The following GRID2 variants were observed in gnomAD, a reference collection of about 807,000 sequenced individuals.
GRID2 encodes the protein glutamate receptor ionotropic, delta-2.
GRID2 carries 33 observed loss-of-function variants against 114.8 expected under a neutral mutation model. The ratio of observed to expected loss-of-function variants is 0.29; its 90% CI spans 0.22 to 0.38. GRID2 has a LOEUF of 0.38. Among genes scored for constraint, GRID2 ranks in the 10% least tolerant of loss-of-function variants. The pLI, the probability that GRID2 is intolerant of heterozygous loss-of-function variation, is 1.00. For synonymous variants in GRID2, 505 were observed against 449.9 expected (o/e 1.12, Z -1.55); for missense variants, 1,184 against 1,257.7 (o/e 0.94, Z 0.89).
chr4:93,316,340 G>GAAAGAAAGA (rs879295418), intron 8 of GRID2, among the ~76,000 whole-genome samples: 1 of 123,834 alleles, frequency 8.1e-6, no homozygotes, highest in East Asian at 2.2e-4. Flanking sequence ...AAGAAAGAAA[G>GAAAGAAAGA]AAGGAAGGAA....
At chr4:92,477,667 G>C (rs1440225682) in intron 1 of GRID2, among the ~76,000 whole-genome samples, 1 of 150,474 alleles carries the variant, frequency 6.6e-6, no homozygotes, top group African/African-American at 2.4e-5. Context: ...ATATTTTAAA[G>C]AGATAAATAC....
chr4:92,454,794 C>G (rs904361074), intron 1 of GRID2, among the ~76,000 whole-genome samples: 6 of 152,216 alleles, frequency 3.9e-5, no homozygotes, highest in African/African-American at 1.4e-4. Context: ...CGAGATCGCA[C>G]CACTGCACTC....
intron 14 of GRID2, among the ~76,000 whole-genome samples, chr4:93,721,236 C>A (rs551547562): frequency 6.6e-6 from 1 of 151,878 alleles, no homozygotes; most frequent in African/African-American, 2.4e-5. Context: ...AATATAGCTC[C>A]TAAAAAGGGA....
chr4:92,932,370 C>T (rs916011850), intron 2 of GRID2, among the ~76,000 whole-genome samples: 6 of 151,322 alleles, frequency 4.0e-5, no homozygotes, highest in Non-Finnish European at 8.9e-5. Context: ...TTTAGACACA[C>T]ACACATACAT....
chr4:92,359,867 A>T (rs1025251381), intron 1 of GRID2, among the ~76,000 whole-genome samples: 3 of 152,104 alleles, frequency 2.0e-5, no homozygotes, highest in African/African-American at 7.2e-5. Flanking sequence ...GAATTTTAAA[A>T]TATGTGACCT....
chr4:92,337,317 A>T (rs1727239907), intron 1 of GRID2, among the ~76,000 whole-genome samples: 1 of 152,130 alleles, frequency 6.6e-6, no homozygotes. Flanking sequence ...TCTACTTATT[A>T]TAAATAATAT....
chr4:93,105,386 C>A (rs1732117849), intron 3 of GRID2, among the ~76,000 whole-genome samples: 1 of 152,122 alleles, frequency 6.6e-6, no homozygotes, highest in African/African-American at 2.4e-5. Flanking sequence ...CTTGCCCATG[C>A]CTATGTCCTG....
chr4:93,144,680 A>AGT (rs1736045556), intron 4 of GRID2, among the ~76,000 whole-genome samples: 2 of 152,224 alleles, frequency 1.3e-5, no homozygotes, highest in Non-Finnish European at 2.9e-5. Context: ...GATAATCACC[A>AGT]AATCAGGTCA....
At chr4:93,694,731 CAG>C (rs1726861902) in intron 14 of GRID2, among the ~76,000 whole-genome samples, 1 of 152,156 alleles carries the variant, frequency 6.6e-6, no homozygotes, top group African/African-American at 2.4e-5. Context: ...TAACTGTCTT[CAG>C]AGTTACTTCA....
chr4:93,281,100 G>A (rs1464736794), intron 8 of GRID2, among the ~76,000 whole-genome samples: 1 of 151,734 alleles, frequency 6.6e-6, no homozygotes, highest in Admixed American at 6.6e-5. Flanking sequence ...GTGCTTTAAA[G>A]AAAAATAAAG....
intron 5 of GRID2, among the ~76,000 whole-genome samples, chr4:93,209,663 G>A (rs1261360352): frequency 6.6e-6 from 1 of 152,030 alleles, no homozygotes; most frequent in Non-Finnish European, 1.5e-5. Context: ...GGTCTCTGAG[G>A]AAATCACCAA....
At chr4:93,569,300 G>A (rs76997249) in intron 13 of GRID2, among the ~76,000 whole-genome samples, 2,089 of 152,096 alleles carry the variant, frequency 0.014, 53 homozygotes, top group African/African-American at 0.048. Context: ...TAAATCACTC[G>A]TATATAAAAC....
At chr4:92,955,957 G>T (rs1226695047) in intron 2 of GRID2, among the ~76,000 whole-genome samples, 1 of 152,058 alleles carries the variant, frequency 6.6e-6, no homozygotes, top group East Asian at 1.9e-4. Flanking sequence ...CTGACCTCGT[G>T]ATCTGCCCAC....
At chr4:92,581,701 C>A (rs1172074392) in intron 1 of GRID2, among the ~76,000 whole-genome samples, 1 of 152,066 alleles carries the variant, frequency 6.6e-6, no homozygotes, top group African/African-American at 2.4e-5. Flanking sequence ...CTGAAAATTT[C>A]TCTTCTTGGT....
chr4:93,301,659 A>T (rs1273120509), intron 8 of GRID2, among the ~76,000 whole-genome samples: 1 of 152,196 alleles, frequency 6.6e-6, no homozygotes, highest in Non-Finnish European at 1.5e-5. Flanking sequence ...AAAGTACCAC[A>T]CAAGTTATTT....
chr4:92,916,190 T>C (rs921549949), intron 2 of GRID2, among the ~76,000 whole-genome samples: 1 of 152,146 alleles, frequency 6.6e-6, no homozygotes, highest in Non-Finnish European at 1.5e-5. Context: ...TAAGAGTGTT[T>C]ATAGTGTTGT....
intron 11 of GRID2, among the ~76,000 whole-genome samples, chr4:93,483,916 T>A (rs566734973): frequency 6.6e-5 from 10 of 151,862 alleles, no homozygotes; most frequent in African/African-American, 2.4e-4. Context: ...CAATACTTTT[T>A]TAGCAAGGTG....
chr4:92,873,119 T>G (rs990237568), intron 2 of GRID2, among the ~76,000 whole-genome samples: 1 of 152,124 alleles, frequency 6.6e-6, no homozygotes, highest in East Asian at 1.9e-4. Context: ...AAATGAAAAT[T>G]TTTTTGTTTG....
At chr4:92,681,552 AAG>A (rs1171943715) in intron 2 of GRID2, among the ~76,000 whole-genome samples, 2 of 151,932 alleles carry the variant, frequency 1.3e-5, no homozygotes, top group Non-Finnish European at 2.9e-5. Context: ...GGGTGGGGAG[AAG>A]GGGGAGGGAT....
Sources: allele counts gnomAD v4.1 joint callset (sites outside exome capture counted in the v4.1 genomes callset), GRCh38; gene constraint gnomAD v4.1.1; transcripts MANE v1.5; gene names NCBI Gene and HGNC (gene_info 2026-07-23, HGNC 2026-07-21).